Variants in MACC1 observed in about 807,000 individuals in gnomAD.
The protein encoded by MACC1 is metastasis-associated in colon cancer protein 1.
MACC1 carries 79 observed loss-of-function variants against 70.7 expected under a neutral mutation model. The observed-to-expected ratio is 1.12, with a 90% CI of 0.93 to 1.35. MACC1 has a LOEUF of 1.35. Among genes scored for constraint, MACC1 ranks in the 40% most tolerant of loss-of-function variants. The probability of loss-of-function intolerance (pLI) is 0.00; values close to 1 mark genes in which losing one functional copy is unlikely to be tolerated. For missense variants in MACC1, 1,106 were observed against 978.1 expected (o/e 1.13, Z -1.74); for synonymous variants, 361 against 347.2 (o/e 1.04, Z -0.44).
rs962846119 is a variant in MACC1 at position 20,135,911 on chromosome 7, G to A, written c.*5035C>T. The A allele has an allele frequency of 2.0e-5, 3 of 152,162 alleles. No homozygotes were observed. The highest frequency in any genetic ancestry group is 7.2e-5 in the African/African-American group (3 of 41,416). The allele number at this position is 152,162 out of a possible 1,614,324, so 9.4% of individuals were successfully genotyped here. On this transcript the variant is annotated 3_prime_UTR_variant, in exon 7 of 7. Coordinates refer to ENST00000400331, the MANE Select transcript of MACC1 (RefSeq NM_182762.4). ...AAAGAATAAATGAGGATATTTGTAAGGTGCTTAGTGTGCTTATGTATGTGT... is the reference window on the plus strand; with the variant it reads ...AAAGAATAAATGAGGATATTTGTAAAGTGCTTAGTGTGCTTATGTATGTGT...
At chr7:20,173,417 A>T (rs938676915) in intron 1 of MACC1, among the ~76,000 whole-genome samples, 1 of 152,126 alleles carries the variant, frequency 6.6e-6, no homozygotes, top group African/African-American at 2.4e-5. Flanking sequence ...TATAGGAAAG[A>T]TTAGTTTTGT....
chr7:20,197,442 C>T (rs1482014790), intron 1 of MACC1, among the ~76,000 whole-genome samples: 3 of 152,162 alleles, frequency 2.0e-5, no homozygotes, highest in African/African-American at 4.8e-5. Flanking sequence ...ATAAACTTAG[C>T]CAAGATAACA....
chr7:20,204,300 G>T (rs1183703300), intron 1 of MACC1, among the ~76,000 whole-genome samples: 1 of 151,930 alleles, frequency 6.6e-6, no homozygotes, highest in African/African-American at 2.4e-5. Context: ...GACCACAGGC[G>T]CCCACCACCA....
chr7:20,146,545 A>C (rs1033265233), intron 6 of MACC1, among the ~76,000 whole-genome samples: 29 of 152,350 alleles, frequency 1.9e-4, no homozygotes, highest in African/African-American at 6.5e-4. Context: ...TAAAATGCGT[A>C]GAATAAATAA....
chr7:20,178,382 C>A (rs1177535549), intron 1 of MACC1, among the ~76,000 whole-genome samples: 1 of 151,832 alleles, frequency 6.6e-6, no homozygotes, highest in Non-Finnish European at 1.5e-5. Context: ...TGCTTTTGTC[C>A]TGAATTAACA....
intron 6 of MACC1, among the ~76,000 whole-genome samples, chr7:20,146,280 A>G (rs1781890422): frequency 6.6e-6 from 1 of 152,146 alleles, no homozygotes; most frequent in Non-Finnish European, 1.5e-5. Flanking sequence ...TAGATATATG[A>G]ACATTTGGAC....
chr7:20,193,154 G>A (rs76324884), intron 1 of MACC1, among the ~76,000 whole-genome samples: 4,525 of 152,232 alleles, frequency 0.03, 108 homozygotes, highest in East Asian at 0.096. Context: ...AAGAAAATAA[G>A]AGGAAGGGGA....
At chr7:20,214,188 T>C (rs1245388440) in intron 1 of MACC1, among the ~76,000 whole-genome samples, 1 of 152,116 alleles carries the variant, frequency 6.6e-6, no homozygotes, top group Non-Finnish European at 1.5e-5. Context: ...GTCAGAACCA[T>C]TTTGAGCCCC....
intron 5 of MACC1, among the ~76,000 whole-genome samples, chr7:20,156,661 T>TA (rs529097455): frequency 3.3e-4 from 51 of 152,272 alleles, no homozygotes; most frequent in African/African-American, 1.2e-3. Context: ...CAGCACACCA[T>TA]AAAAAATCTA....
intron 1 of MACC1, among the ~76,000 whole-genome samples, chr7:20,191,964 T>A (rs1260326438): frequency 6.6e-6 from 1 of 152,166 alleles, no homozygotes; most frequent in Non-Finnish European, 1.5e-5. Flanking sequence ...TTTTATCATC[T>A]TGCTAAAGGA....
chr7:20,199,656 G>C (rs1298462843), intron 1 of MACC1, among the ~76,000 whole-genome samples: 1 of 152,180 alleles, frequency 6.6e-6, no homozygotes, highest in Non-Finnish European at 1.5e-5. Flanking sequence ...CACAGAGAGA[G>C]CAGAGCACTT....
intron 3 of MACC1, among the ~76,000 whole-genome samples, chr7:20,162,854 T>G (rs1396888607): frequency 6.6e-6 from 1 of 152,178 alleles, no homozygotes; most frequent in African/African-American, 2.4e-5. Flanking sequence ...ATCGTCTTTA[T>G]GTTTTCTGGG....
At chr7:20,190,179 A>T (rs1583405190) in intron 1 of MACC1, among the ~76,000 whole-genome samples, 1 of 152,204 alleles carries the variant, frequency 6.6e-6, no homozygotes, top group Non-Finnish European at 1.5e-5. Flanking sequence ...AGTGAAGTAC[A>T]TGGGACTCTG....
intron 1 of MACC1, among the ~76,000 whole-genome samples, chr7:20,189,463 AG>A (rs1782639513): frequency 6.6e-6 from 1 of 152,212 alleles, no homozygotes; most frequent in African/African-American, 2.4e-5. Flanking sequence ...AAACTGAGAA[AG>A]AAACAAATTA....
intron 4 of MACC1, among the ~76,000 whole-genome samples, chr7:20,161,355 A>G (rs1416995057): frequency 1.3e-5 from 2 of 152,028 alleles, no homozygotes; most frequent in African/African-American, 2.4e-5. Context: ...TAAAGGTGGC[A>G]TTTCTCTTAT....
intron 1 of MACC1, among the ~76,000 whole-genome samples, chr7:20,189,114 C>T (rs1438094426): frequency 6.6e-6 from 1 of 152,120 alleles, no homozygotes; most frequent in Non-Finnish European, 1.5e-5. Flanking sequence ...TGATGTCTTC[C>T]TCATCATCTT....
At position 20,139,267 on chromosome 7, in the gene MACC1, C is replaced by G. The variant is rs1349304740; in HGVS notation, c.*1679G>C. 5 of 152,274 alleles carry G rather than the reference C, an allele frequency of 3.3e-5. No individual in the cohort carries two copies. The highest frequency in any genetic ancestry group is 7.3e-5 in the Non-Finnish European group (5 of 68,122). The allele number at this position is 152,274 out of a possible 1,614,324, so 9.4% of individuals were successfully genotyped here. ...CACTCCTTCACCCCTGCTATCTGCA[C>G]CTATTCAGCTCCCACCCATCTAAGA... On this transcript the variant is annotated 3_prime_UTR_variant, in exon 7 of 7. Transcript: ENST00000400331.
At chr7:20,162,752 C>T (rs568267563) in intron 3 of MACC1, among the ~76,000 whole-genome samples, 1 of 152,128 alleles carries the variant, frequency 6.6e-6, no homozygotes. Context: ...ACATTGATCA[C>T]TATCTCATCC....
chr7:20,183,459 G>C (rs2128106125), intron 1 of MACC1, among the ~76,000 whole-genome samples: 1 of 152,340 alleles, frequency 6.6e-6, no homozygotes, highest in Non-Finnish European at 1.5e-5. Flanking sequence ...ACCTTCAGCA[G>C]AGGGCCAAGC....
Sources: gnomAD v4.1 joint callset for allele counts (sites outside exome capture counted in the v4.1 genomes callset) on GRCh38, gnomAD v4.1.1 for gene constraint, MANE v1.5 for transcripts, NCBI Gene and HGNC (gene_info 2026-07-23, HGNC 2026-07-21) for gene names.